The following GRM7 variants were observed in gnomAD, a reference collection of about 807,000 sequenced individuals.
The protein encoded by GRM7 is metabotropic glutamate receptor 7.
A neutral mutation model predicts 84.5 loss-of-function variants in GRM7; 35 were observed. The ratio of observed to expected loss-of-function variants is 0.41; its 90% CI spans 0.32 to 0.55. GRM7 has a LOEUF of 0.55. GRM7 is among the 20% of genes least tolerant of loss of function. The pLI, the probability that GRM7 is intolerant of heterozygous loss-of-function variation, is 0.19. For missense variants in GRM7, 1,003 were observed against 1,194.6 expected, an observed-to-expected ratio of 0.84 and a Z score of 2.36; for synonymous variants, 487 against 455.1, an observed-to-expected ratio of 1.07 and a Z score of -0.89.
intron 1 of GRM7, among the ~76,000 whole-genome samples, chr3:7,041,800 G>A (rs1394950107): frequency 1.3e-5 from 2 of 152,152 alleles, no homozygotes; most frequent in Non-Finnish European, 2.9e-5. Context: ...AGATTGAGGT[G>A]GGGGCTGATC....
At chr3:7,333,968 T>A (rs536016704) in intron 4 of GRM7, among the ~76,000 whole-genome samples, 3 of 151,958 alleles carry the variant, frequency 2.0e-5, no homozygotes, top group African/African-American at 7.2e-5. Context: ...TGGGATTATG[T>A]TAAATGACCA....
intron 8 of GRM7, among the ~76,000 whole-genome samples, chr3:7,653,805 G>A (rs1216091699): frequency 2.0e-5 from 3 of 152,166 alleles, no homozygotes; most frequent in Admixed American, 6.5e-5. Context: ...TGACTCCTTT[G>A]AGCGTCACCT....
chr3:7,032,907 ACTT>A (rs1159013428), intron 1 of GRM7, among the ~76,000 whole-genome samples: 1 of 152,180 alleles, frequency 6.6e-6, no homozygotes, highest in African/African-American at 2.4e-5. Flanking sequence ...ATGTCCTTTA[ACTT>A]ACCCCCTTCT....
intron 8 of GRM7, among the ~76,000 whole-genome samples, chr3:7,662,956 G>A (rs906635944): frequency 3.9e-5 from 6 of 152,202 alleles, no homozygotes; most frequent in African/African-American, 9.7e-5. Context: ...TCTGAGAGAT[G>A]CTGATGTGAC....
At chr3:7,608,353 C>T (rs1696691037) in intron 8 of GRM7, among the ~76,000 whole-genome samples, 1 of 152,222 alleles carries the variant, frequency 6.6e-6, no homozygotes, top group South Asian at 2.1e-4. Flanking sequence ...AGTATATAAG[C>T]ATTCCTTTAT....
chr3:7,458,451 G>T (rs573531356), intron 6 of GRM7, among the ~76,000 whole-genome samples: 17 of 152,228 alleles, frequency 1.1e-4, no homozygotes, highest in Non-Finnish European at 2.1e-4. Context: ...GAGATGTGGG[G>T]ATTAAAAACT....
chr3:7,433,780 A>G (rs949632537), intron 5 of GRM7, among the ~76,000 whole-genome samples: 4 of 152,178 alleles, frequency 2.6e-5, no homozygotes, highest in Non-Finnish European at 5.9e-5. Context: ...AAGGCTTACA[A>G]AAAATGGGAT....
At chr3:7,027,030 G>T (rs375346792) in intron 1 of GRM7, among the ~76,000 whole-genome samples, 4 of 152,166 alleles carry the variant, frequency 2.6e-5, no homozygotes, top group African/African-American at 7.2e-5. Flanking sequence ...TCCCCATTGT[G>T]TTCTGCCTGT....
chr3:7,098,449 T>C (rs1698932090), intron 1 of GRM7, among the ~76,000 whole-genome samples: 1 of 152,014 alleles, frequency 6.6e-6, no homozygotes. Context: ...CAAATGAAGA[T>C]AATGCTATTA....
At chr3:7,462,925 T>G (rs1310764299) in intron 7 of GRM7, among the ~76,000 whole-genome samples, 1 of 151,978 alleles carries the variant, frequency 6.6e-6, no homozygotes, top group African/African-American at 2.4e-5. Context: ...TTATTCTGAA[T>G]CCAAGGCACA....
intron 1 of GRM7, among the ~76,000 whole-genome samples, chr3:6,955,745 G>C (rs1357422041): frequency 1.3e-5 from 2 of 151,454 alleles, no homozygotes; most frequent in Admixed American, 6.6e-5. Flanking sequence ...GGGAGGCTGA[G>C]GCACGAGAAT....
chr3:7,198,923 A>G (rs1417168944), intron 2 of GRM7, among the ~76,000 whole-genome samples: 2 of 152,214 alleles, frequency 1.3e-5, no homozygotes, highest in African/African-American at 2.4e-5. Flanking sequence ...AGAAAGACAG[A>G]AAAAATGATT....
At chr3:7,088,947 CTT>C (rs1200147145) in intron 1 of GRM7, among the ~76,000 whole-genome samples, 1 of 152,116 alleles carries the variant, frequency 6.6e-6, no homozygotes, top group Non-Finnish European at 1.5e-5. Flanking sequence ...ACAGAGCTCT[CTT>C]CAGTTCCCAA....
intron 1 of GRM7, among the ~76,000 whole-genome samples, chr3:6,960,888 C>A (rs1257303238): frequency 6.6e-6 from 1 of 152,160 alleles, no homozygotes; most frequent in East Asian, 1.9e-4. Flanking sequence ...AAAAAACTCA[C>A]TGTATTAAAA....
chr3:7,251,125 G>C (rs1333248950), intron 2 of GRM7, among the ~76,000 whole-genome samples: 5 of 152,070 alleles, frequency 3.3e-5, no homozygotes, highest in Non-Finnish European at 5.9e-5. Flanking sequence ...TTATTCTGTA[G>C]GCAATTGGGA....
At chr3:7,385,879 A>G (rs1205443856) in intron 4 of GRM7, among the ~76,000 whole-genome samples, 1 of 152,226 alleles carries the variant, frequency 6.6e-6, no homozygotes, top group African/African-American at 2.4e-5. Flanking sequence ...CTTGAAAACT[A>G]CCAGCAATGA....
intron 2 of GRM7, among the ~76,000 whole-genome samples, chr3:7,169,986 C>G (rs1694929752): frequency 6.6e-6 from 1 of 152,172 alleles, no homozygotes; most frequent in Non-Finnish European, 1.5e-5. Flanking sequence ...TGCTGAAATA[C>G]AGACCCCTGG....
chr3:7,064,913 T>A (rs1207847062), intron 1 of GRM7, among the ~76,000 whole-genome samples: 2 of 151,938 alleles, frequency 1.3e-5, no homozygotes, highest in African/African-American at 4.8e-5. Context: ...GCATTGTGGT[T>A]TTGATTTACA....
At chr3:6,941,120 A>T (rs980974469) in intron 1 of GRM7, among the ~76,000 whole-genome samples, 15 of 152,186 alleles carry the variant, frequency 9.9e-5, no homozygotes, top group Non-Finnish European at 5.9e-5. Context: ...CCAGCATTCC[A>T]GGTAAACTAG....
Sources: allele counts gnomAD v4.1 joint callset (sites outside exome capture counted in the v4.1 genomes callset), GRCh38; gene constraint gnomAD v4.1.1; transcripts MANE v1.5; gene names NCBI Gene and HGNC (gene_info 2026-07-23, HGNC 2026-07-21).